Variants in SPAG16 observed in about 807,000 individuals in gnomAD.
The protein encoded by SPAG16 is sperm associated antigen 16.
A neutral mutation model predicts 80.4 loss-of-function variants in SPAG16; 86 were observed. That is an observed-to-expected ratio of 1.07 (90% confidence interval 0.90 to 1.28). The LOEUF is 1.28. Ranked by LOEUF, SPAG16 falls within the 50% of genes most tolerant of loss-of-function variation. SPAG16 has a pLI of 0.00. For synonymous variants in SPAG16, 294 were observed against 265.9 expected, an observed-to-expected ratio of 1.11 and a Z score of -1.03; for missense variants, 870 against 765.3, an observed-to-expected ratio of 1.14 and a Z score of -1.61.
At chr2:213,374,974 G>C (rs1235198472) in intron 8 of SPAG16, 36 bp from the exon 9 acceptor site, 1 of 1,451,636 alleles carries the variant, frequency 6.9e-7, no homozygotes, top group East Asian at 2.4e-5. Flanking sequence ...CCGATAAACA[G>C]TGCAAATATT....
chr2:214,163,120 C>T (rs2056513515), intron 15 of SPAG16, among the ~76,000 whole-genome samples: 1 of 152,038 alleles, frequency 6.6e-6, no homozygotes, highest in Non-Finnish European at 1.5e-5. Flanking sequence ...ATAAATCTGT[C>T]AGTTTTCACT....
In SPAG16 at chr2:213,322,119, T is replaced by G. The variant is rs144664778; in HGVS notation, c.536+4763T>G. 2.6e-5 allele frequency among the ~76,000 whole-genome samples: 4 copies of G among 151,118 alleles called. No individual in the cohort carries two copies. The East Asian group carries it at 7.7e-4, about 29-fold the overall frequency. ...ATAAAAAAAAGTAAAAAAAAAAGAT[T>G]ATAAAACACCACTTAGAATTGTATC... On this transcript the variant is annotated intron_variant, in intron 5 of 15. Transcript: ENST00000331683.
intron 10 of SPAG16, among the ~76,000 whole-genome samples, chr2:213,576,404 A>G (rs2060127268): frequency 6.6e-6 from 1 of 152,076 alleles, no homozygotes; most frequent in African/African-American, 2.4e-5. Flanking sequence ...CCATTGAGGA[A>G]GACAGTGTGG....
chr2:213,909,944 G>C (rs1241345916), intron 11 of SPAG16, among the ~76,000 whole-genome samples: 1 of 152,020 alleles, frequency 6.6e-6, no homozygotes, highest in Non-Finnish European at 1.5e-5. Context: ...GTACATTAAA[G>C]GTATCTCAAA....
chr2:214,305,017 TC>T (rs1694815812), intron 15 of SPAG16, among the ~76,000 whole-genome samples: 1 of 152,216 alleles, frequency 6.6e-6, no homozygotes, highest in African/African-American at 2.4e-5. Flanking sequence ...TTCCTTTCTC[TC>T]CACAACCTCA....
chr2:213,453,796 A>G (rs1325416468), intron 9 of SPAG16, among the ~76,000 whole-genome samples: 2 of 152,230 alleles, frequency 1.3e-5, no homozygotes, highest in East Asian at 1.9e-4. Context: ...AATTGGTTCT[A>G]TGGAAGAAGA....
At chr2:214,003,504 G>C (rs2046888569) in intron 12 of SPAG16, among the ~76,000 whole-genome samples, 1 of 152,122 alleles carries the variant, frequency 6.6e-6, no homozygotes. Context: ...GTGTAATGTT[G>C]AGTGTTACTC....
chr2:213,454,308 A>G (rs954923760), intron 9 of SPAG16, among the ~76,000 whole-genome samples: 1 of 152,266 alleles, frequency 6.6e-6, no homozygotes, highest in African/African-American at 2.4e-5. Context: ...TATATTTCTT[A>G]CCCAAATTCT....
At chr2:214,275,433 G>A (rs888973398) in intron 15 of SPAG16, among the ~76,000 whole-genome samples, 3 of 152,142 alleles carry the variant, frequency 2.0e-5, no homozygotes, top group African/African-American at 7.2e-5. Flanking sequence ...GGCATTTAGT[G>A]CTATAAACTT....
Position 213,533,756 on chromosome 2 carries a change from A to AG in SPAG16, c.1070+43666_1070+43667insG, listed in dbSNP as rs541511409. 4.0e-3 allele frequency among the ~76,000 whole-genome samples: 609 copies of AG among 152,310 alleles called. 6 individuals are homozygous for AG. The highest frequency in any genetic ancestry group is 0.014 in the African/African-American group (584 of 41,580). The stretch of plus-strand genomic sequence containing the variant: ...AATACCAGGAAGAAATAATATCTAT[A>AG]TAATATCTATGATCCTACTAATCAA... On this transcript the variant is annotated intron_variant, in intron 10 of 15. Transcript: ENST00000331683.
chr2:214,233,753 C>A (rs1688870977), intron 15 of SPAG16, among the ~76,000 whole-genome samples: 1 of 152,030 alleles, frequency 6.6e-6, no homozygotes, highest in South Asian at 2.1e-4. Flanking sequence ...TTTTCATCTG[C>A]ATCTTTCTCC....
chr2:213,442,017 A>G (rs2070999532), intron 9 of SPAG16, among the ~76,000 whole-genome samples: 1 of 152,178 alleles, frequency 6.6e-6, no homozygotes, highest in Non-Finnish European at 1.5e-5. Context: ...CCGTAGTGGC[A>G]CATGCCTATA....
chr2:213,675,043 C>T lies in SPAG16; in HGVS notation c.1070+184953C>T, dbSNP rs375602242. On this transcript the variant is annotated intron_variant, in intron 10 of 15. Coordinates refer to ENST00000331683, the MANE Select transcript of SPAG16 (RefSeq NM_024532.5). The stretch of plus-strand genomic sequence containing the variant: ...CTATTTCTCCACATCCTCTCCAGCA[C>T]CTGTTGTTTCCTGACTTTTTAATGA... Among the ~76,000 whole-genome samples the T allele has an allele frequency of 2.3e-4, 35 of 150,660 alleles. 1 individual carries two copies. In the East Asian group the frequency reaches 6.2e-3, roughly 27 times the overall value.
chr2:214,097,530 A>G (rs2052673423), intron 13 of SPAG16, among the ~76,000 whole-genome samples: 1 of 151,724 alleles, frequency 6.6e-6, no homozygotes, highest in Non-Finnish European at 1.5e-5. Flanking sequence ...CATTTCTTAG[A>G]TTTTTCTCTC....
intron 1 of SPAG16, among the ~76,000 whole-genome samples, chr2:213,286,208 G>GT (rs1288761897): frequency 6.6e-6 from 1 of 152,142 alleles, no homozygotes; most frequent in Non-Finnish European, 1.5e-5. Flanking sequence ...ATAAGCAACT[G>GT]TAACTTTTTA....
chr2:213,574,019 G>A (rs1477231190), intron 10 of SPAG16, among the ~76,000 whole-genome samples: 1 of 152,144 alleles, frequency 6.6e-6, no homozygotes, highest in African/African-American at 2.4e-5. Context: ...GTCAGGTGAT[G>A]CCTAAGCTGC....
At chr2:214,211,771 G>T (rs146320645) in intron 15 of SPAG16, among the ~76,000 whole-genome samples, 2 of 152,130 alleles carry the variant, frequency 1.3e-5, no homozygotes, top group African/African-American at 4.8e-5. Flanking sequence ...AAATTGTCAA[G>T]TAAGCTTGCT....
chr2:214,252,977 A>G (rs1159728934), intron 15 of SPAG16, among the ~76,000 whole-genome samples: 1 of 151,854 alleles, frequency 6.6e-6, no homozygotes, highest in Non-Finnish European at 1.5e-5. Flanking sequence ...TGACTTTTTA[A>G]TGATTGCCGT....
intron 15 of SPAG16, among the ~76,000 whole-genome samples, chr2:214,271,851 C>T (rs574493298): frequency 6.9e-6 from 1 of 145,560 alleles, no homozygotes; most frequent in Admixed American, 6.9e-5. Flanking sequence ...AACCCCCCCC[C>T]CAAAAAAAAA....
Sources: gnomAD v4.1 joint callset for allele counts (sites outside exome capture counted in the v4.1 genomes callset) on GRCh38, gnomAD v4.1.1 for gene constraint, MANE v1.5 for transcripts, NCBI Gene and HGNC (gene_info 2026-07-23, HGNC 2026-07-21) for gene names.